NMRAL1: variants seen among roughly 807,000 people sequenced by gnomAD.
NMRAL1 encodes the protein NmrA like redox sensor 1, also known as nmrA-like family domain-containing protein 1.
NMRAL1 carries 32 observed loss-of-function variants against 27.5 expected under a neutral mutation model. The ratio of observed to expected loss-of-function variants is 1.16; its 90% CI spans 0.88 to 1.56. The LOEUF is 1.56. NMRAL1 is among the 40% of genes most tolerant of loss of function. The pLI is 0.00. For synonymous variants in NMRAL1, 166 were observed against 166.8 expected, an observed-to-expected ratio of 1.00 and a Z score of 0.04; for missense variants, 420 against 392.0, an observed-to-expected ratio of 1.07 and a Z score of -0.60.
At chr16:4,470,235 C>T (rs144304774) in intron 2 of NMRAL1, among the ~76,000 whole-genome samples, 4 of 148,850 alleles carry the variant, frequency 2.7e-5, no homozygotes, top group Admixed American at 6.8e-5. Context: ...TTTGAGAGGC[C>T]GAGGGGGGTA....
Position 4,463,714 on chromosome 16 carries a change from C to T in NMRAL1, c.666G>A (p.Glu222=). The T allele has an allele frequency of 6.2e-7, 1 of 1,614,060 alleles. No homozygotes were observed. The highest frequency in any genetic ancestry group is 2.2e-5 in the East Asian group (1 of 44,882). Residue 222 remains glutamate, a synonymous_variant, in exon 5 of 6, where the codon GAG becomes GAA. Coordinates refer to ENST00000283429, the MANE Select transcript of NMRAL1 (RefSeq NM_020677.6). ...GCTTGGTGAGCAGGGCAGCGTACTC[C>T]TCGGCCGTGTGCCTGCAAGTGCTCA... ...IGLSTCRHTA[E]EYAALLTKHT...
At chr16:4,462,471 CCT>C in intron 5 of NMRAL1, among the ~76,000 whole-genome samples, 1 of 152,124 alleles carries the variant, frequency 6.6e-6, no homozygotes, top group Admixed American at 6.6e-5. Context: ...AGAGTGAGAC[CCT>C]GTCTCAAAAA....
At chr16:4,463,565 T>C (rs760503979) in intron 5 of NMRAL1, 95 bp downstream of exon 5, 2 of 970,532 alleles carry the variant, frequency 2.1e-6, no homozygotes, top group Non-Finnish European at 1.5e-6. Context: ...TTAGATGTAC[T>C]GCCCAGAGGT....
At chr16:4,472,973 CTTTTTTT>C (rs768092791) in intron 2 of NMRAL1, among the ~76,000 whole-genome samples, 1 of 119,732 alleles carries the variant, frequency 8.4e-6, no homozygotes, top group Non-Finnish European at 1.7e-5. Context: ...TCATGGAGTT[CTTTTTTT>C]TTTTTTTTTT....
At position 4,463,984 on chromosome 16, in the gene NMRAL1, A is replaced by T. The variant is rs892459051; in HGVS notation, c.530-134T>A. 26 of 640,506 alleles carry T rather than the reference A, an allele frequency of 4.1e-5. No homozygotes were observed. The African/African-American group carries it at 4.9e-4, about 12-fold the overall frequency. 39.7% of individuals were successfully genotyped at this position (640,506 alleles called of 1,614,324 possible). ...ACTCCAGCACTCGGGCATAGCTAAG[A>T]CAAGTCTTGCTATTTGTGGTAGCAC... On this transcript the variant is annotated intron_variant, in intron 4 of 5. Coordinates refer to ENST00000283429, the MANE Select transcript of NMRAL1 (RefSeq NM_020677.6).
chr16:4,461,939 T>C lies in NMRAL1; in HGVS notation c.741A>G (p.Glu247=). 1 of 1,613,620 alleles carries C rather than the reference T, an allele frequency of 6.2e-7. No individual in the cohort carries two copies. The highest frequency in any genetic ancestry group is 8.5e-7 in the Non-Finnish European group (1 of 1,179,710). Residue 247 remains glutamate, a synonymous_variant, in exon 6 of 6, where the codon GAA becomes GAG. Transcript: ENST00000283429. Reference sequence around the variant, plus strand: ...CCCGGGCACCGGGAAAGCCAAGCTTTTCGTAGTCCTCAGGAGTCATCTGGA... The same window carrying C: ...CCCGGGCACCGGGAAAGCCAAGCTTCTCGTAGTCCTCAGGAGTCATCTGGA... The part of the protein sequence containing the change: ...HDAKMTPEDY[E]KLGFPGARDL...
rs1439092101 is a variant in NMRAL1 at position 4,469,326 on chromosome 16, A to G, written c.180T>C (p.Asp60=). The G allele has an allele frequency of 5.6e-6, 9 of 1,614,038 alleles. No homozygotes were observed. Among genetic ancestry groups the G allele is most frequent in the Non-Finnish European group, 7.6e-6 (9 of 1,180,000 alleles). Residue 60 remains aspartate, a synonymous_variant, in exon 3 of 6, where the codon GAT becomes GAC. Transcript: ENST00000283429. Reference sequence around the variant, plus strand: ...GGGCCAGCTCCATGATGACCTGGTCATCTTGGTCTCCCTGCACTACTTCTG... The same window carrying G: ...GGGCCAGCTCCATGATGACCTGGTCGTCTTGGTCTCCCTGCACTACTTCTG... ...QGAEVVQGDQ[D]DQVIMELALN... is the part of the protein sequence containing the mutation.
intron 4 of NMRAL1, 58 bp from the exon 5 acceptor site, chr16:4,463,908 G>GTCCC: frequency 3.4e-6 from 5 of 1,458,966 alleles, no homozygotes; most frequent in Non-Finnish European, 4.7e-6. Flanking sequence ...GGCAGGGACA[G>GTCCC]AGCCCCTCTC....
rs756363068 is a variant in NMRAL1, at chr16:4,461,876, G to A, written c.804C>T (p.Pro268=). 6 of 1,614,058 alleles carry A rather than the reference G, an allele frequency of 3.7e-6. No individual in the cohort carries two copies. Among genetic ancestry groups the A allele is most frequent in the South Asian group, 1.1e-5 (1 of 91,090 alleles). The change falls in exon 6 of 6, where the codon CCC becomes CCT. Residue 268 remains proline (P), a synonymous_variant. Coordinates refer to ENST00000283429, the MANE Select transcript of NMRAL1 (RefSeq NM_020677.6). ...ANMFRFYALR[P]DRDIELTLRL... Reference sequence around the variant, plus strand: ...TCAGGGTCAGCTCGATGTCACGGTCGGGTCTCAGGGCATAGAAACGGAACA... The same window carrying A: ...TCAGGGTCAGCTCGATGTCACGGTCAGGTCTCAGGGCATAGAAACGGAACA...
intron 4 of NMRAL1, 115 bp from the exon 5 acceptor site, chr16:4,463,965 G>T: frequency 1.4e-6 from 1 of 734,702 alleles, no homozygotes; most frequent in Non-Finnish European, 2.2e-6. Flanking sequence ...GCACACTCCA[G>T]CACTCGGGCA....
intron 4 of NMRAL1, among the ~76,000 whole-genome samples, chr16:4,465,011 G>A (rs11862686): frequency 0.076 from 11,223 of 147,452 alleles, 669 homozygotes; most frequent in African/African-American, 0.16. Flanking sequence ...GGGTTCAAGC[G>A]ATTCTTCTGC....
chr16:4,464,538 T>C (rs1274311454), intron 4 of NMRAL1, among the ~76,000 whole-genome samples: 1 of 151,828 alleles, frequency 6.6e-6, no homozygotes, highest in Admixed American at 6.6e-5. Context: ...CAGTGCAGCT[T>C]CCTGTTCAGA....
At chr16:4,464,382 T>A (rs2057233000) in intron 4 of NMRAL1, 1 of 154,934 alleles carries the variant, frequency 6.5e-6, no homozygotes, top group South Asian at 2.0e-4. Context: ...GAGCAGCACG[T>A]CCATGATAAA....
chr16:4,464,026 T>C (rs1039022256), intron 4 of NMRAL1, 176 bp from the exon 5 acceptor site: 2 of 559,768 alleles, frequency 3.6e-6, no homozygotes, highest in South Asian at 2.5e-5. Flanking sequence ...AGCAGTGGAA[T>C]TGAGTCAGGA....
intron 3 of NMRAL1, among the ~76,000 whole-genome samples, chr16:4,468,724 A>G (rs1483271118): frequency 6.6e-6 from 1 of 152,124 alleles, no homozygotes; most frequent in African/African-American, 2.4e-5. Flanking sequence ...GTCAAGGCTA[A>G]TAACAAGTTT....
At chr16:4,464,602 TGACTGCAGG>T (rs2057244168) in intron 4 of NMRAL1, among the ~76,000 whole-genome samples, 2 of 148,688 alleles carry the variant, frequency 1.3e-5, no homozygotes, top group Admixed American at 1.3e-4. Flanking sequence ...GAGATATCCC[TGACTGCAGG>T]TTTTTTTTTT....
intron 2 of NMRAL1, among the ~76,000 whole-genome samples, chr16:4,470,472 A>G (rs2057519896): frequency 6.6e-6 from 1 of 151,990 alleles, no homozygotes; most frequent in African/African-American, 2.4e-5. Context: ...CTTGGTCTCA[A>G]AAAAATAAAG....
upstream of NMRAL1, chr16:4,474,848 G>C (rs1422610637): frequency 3.3e-5 from 5 of 152,242 alleles, no homozygotes; most frequent in African/African-American, 1.2e-4. Context: ...TAATTTTCAG[G>C]TATTGGGCGT....
intron 2 of NMRAL1, among the ~76,000 whole-genome samples, chr16:4,472,028 T>C (rs1238446975): frequency 1.3e-5 from 2 of 152,170 alleles, no homozygotes; most frequent in Middle Eastern, 3.4e-3. Flanking sequence ...TGAGTGATGA[T>C]TGAGCCACTG....
Sources: gnomAD v4.1 joint callset for allele counts (sites outside exome capture counted in the v4.1 genomes callset) on GRCh38, gnomAD v4.1.1 for gene constraint, MANE v1.5 for transcripts, NCBI Gene and HGNC (gene_info 2026-07-23, HGNC 2026-07-21) for gene names.